EFHC2: variants seen among roughly 807,000 people sequenced by gnomAD.
The protein encoded by EFHC2 is EF-hand domain-containing family member C2.
EFHC2 carries 18 observed loss-of-function variants against 52.7 expected under a neutral mutation model. That is an observed-to-expected ratio of 0.34 (90% CI 0.24 to 0.51). EFHC2 has a LOEUF of 0.51. EFHC2 is among the 20% of genes least tolerant of loss of function. The pLI is 0.97. For synonymous variants in EFHC2, 203 were observed against 204.1 expected, an observed-to-expected ratio of 0.99 and a Z score of 0.04; for missense variants, 513 against 562.5, an observed-to-expected ratio of 0.91 and a Z score of 0.89.
At chrX:44,273,526 A>C (rs942025639) in intron 2 of EFHC2, among the ~76,000 whole-genome samples, 3 of 112,598 alleles carry the variant, frequency 2.7e-5, no homozygotes, top group South Asian at 3.7e-4. Flanking sequence ...TGTGCCTCTC[A>C]GTAAGTAAAA....
Position 44,148,805 on chromosome X carries a change from T to C in EFHC2, c.2240A>G (p.Glu747Gly), listed in dbSNP as rs777476496. 8.5e-7 allele frequency: 1 copy of C among 1,180,886 alleles called. No individual in the cohort carries two copies. Among genetic ancestry groups the C allele is most frequent in the Non-Finnish European group, 1.1e-6 (1 of 879,115 alleles). Residue 747 changes from glutamate (E) to glycine (G), a missense_variant, in exon 15 of 15, where the codon GAG (glutamate) becomes GGG (glycine). Physicochemically the swap from Glu to Gly is moderately conservative, Grantham distance 98. Coordinates refer to ENST00000420999, the MANE Select transcript of EFHC2 (RefSeq NM_025184.4). Reference sequence around the variant, plus strand: ...CCAAAACTGGCATGGTTATTCCTCCTCTAAGCCAAACGCGTCCTTCAAAAA... The same window carrying C: ...CCAAAACTGGCATGGTTATTCCTCCCCTAAGCCAAACGCGTCCTTCAAAAA... ...WTFLKDAFGL[E>G]EE
At chrX:44,186,206 T>C (rs1000698530) in intron 11 of EFHC2, among the ~76,000 whole-genome samples, 2 of 112,399 alleles carry the variant, frequency 1.8e-5, no homozygotes, top group Admixed American at 9.5e-5. Context: ...TTAAGAGTAA[T>C]TGCTGTATAC....
intron 14 of EFHC2, 26 bp from the exon 15 acceptor site, chrX:44,148,922 G>T (rs1227573950): frequency 2.3e-5 from 25 of 1,101,281 alleles, no homozygotes; most frequent in Non-Finnish European, 3.0e-5. Flanking sequence ...AAATGGATAT[G>T]ATTAGAACCA....
intron 13 of EFHC2, among the ~76,000 whole-genome samples, chrX:44,168,018 T>C (rs1472771209): frequency 9.0e-6 from 1 of 111,661 alleles, no homozygotes; most frequent in Non-Finnish European, 1.9e-5. Context: ...GACGTCAAAC[T>C]CTTTTCAAGA....
intron 1 of EFHC2, 101 bp downstream of exon 1, chrX:44,343,446 T>C: frequency 9.5e-7 from 1 of 1,055,503 alleles, no homozygotes; most frequent in East Asian, 3.3e-5. Context: ...GGCAGCAGCA[T>C]GGGGCCTCCA....
At chrX:44,162,283 T>C (rs980626343) in intron 14 of EFHC2, among the ~76,000 whole-genome samples, 7 of 111,179 alleles carry the variant, frequency 6.3e-5, no homozygotes, top group African/African-American at 2.3e-4. Flanking sequence ...ATTAGCTGGA[T>C]GTGGTGGCAC....
intron 2 of EFHC2, among the ~76,000 whole-genome samples, chrX:44,306,971 C>T (rs1366024039): frequency 5.4e-5 from 6 of 111,950 alleles, no homozygotes; most frequent in South Asian, 3.7e-4. Flanking sequence ...AAAGAATTAT[C>T]CCCCCTTCAG....
At chrX:44,225,512 C>T (rs1277913433) in intron 11 of EFHC2, among the ~76,000 whole-genome samples, 12 of 111,487 alleles carry the variant, frequency 1.1e-4, no homozygotes, top group African/African-American at 3.9e-4. Flanking sequence ...GGCCCCGAAG[C>T]CCCAGGTGTA....
Position 44,150,270 on chromosome X carries a change from T to G in EFHC2, c.2149-1374A>C, listed in dbSNP as rs753224120. Among the ~76,000 whole-genome samples the G allele has an allele frequency of 2.7e-5, 3 of 111,816 alleles. No individual in the cohort carries two copies. The South Asian group carries it at 1.1e-3, about 42-fold the overall frequency. On this transcript the variant is annotated intron_variant, in intron 14 of 14. Transcript: ENST00000420999. ...GCAAGCTGAATAAGTGGTGATTCAG[T>G]TGCACCTTATGGGATGAAAAACAGT...
At chrX:44,291,545 C>G (rs953888048) in intron 2 of EFHC2, among the ~76,000 whole-genome samples, 4 of 112,102 alleles carry the variant, frequency 3.6e-5, no homozygotes, top group Non-Finnish European at 1.9e-5. Flanking sequence ...TTTTACTTGT[C>G]TGCATAAGAC....
chrX:44,252,334 A>G (rs768750326), intron 4 of EFHC2, among the ~76,000 whole-genome samples: 2 of 112,061 alleles, frequency 1.8e-5, no homozygotes, highest in African/African-American at 6.5e-5. Context: ...GTTATCCCAA[A>G]TCAGGTTATA....
Position 44,232,449 on chromosome X carries a change from G to A in EFHC2, c.1620+32C>T, listed in dbSNP as rs748361696. ...AAACACAGACTGCGGAGGGCTGAGA[G>A]GCAAGTCAAGAATTATACAAAGTAA... On this transcript the variant is annotated intron_variant, in intron 10 of 14. Coordinates refer to ENST00000420999, the MANE Select transcript of EFHC2 (RefSeq NM_025184.4). 5.7e-4 allele frequency: 578 copies of A among 1,016,239 alleles called. 1 individual carries two copies. Among genetic ancestry groups the A allele is most frequent in the Non-Finnish European group, 7.1e-4 (560 of 786,975 alleles). The allele number at this position is 1,016,239 out of a possible 1,213,427, so 83.7% of individuals were successfully genotyped here.
At chrX:44,242,588 TCTC>T (rs1045994947) in intron 7 of EFHC2, among the ~76,000 whole-genome samples, 1 of 111,398 alleles carries the variant, frequency 9.0e-6, no homozygotes, top group African/African-American at 3.3e-5. Context: ...TATTTTTTGT[TCTC>T]CTCTGATTTT....
At chrX:44,187,705 G>C (rs995987241) in intron 11 of EFHC2, among the ~76,000 whole-genome samples, 12 of 110,957 alleles carry the variant, frequency 1.1e-4, no homozygotes, top group Non-Finnish European at 2.1e-4. Context: ...CAGGAGAATC[G>C]CTTGAGTCCA....
At chrX:44,297,726 C>CT (rs1470470563) in intron 2 of EFHC2, among the ~76,000 whole-genome samples, 1 of 79,237 alleles carries the variant, frequency 1.3e-5, no homozygotes, top group Non-Finnish European at 2.3e-5. Context: ...GAGACTCCAT[C>CT]TCAAAAAAAA....
At chrX:44,191,856 T>C (rs1443850918) in intron 11 of EFHC2, among the ~76,000 whole-genome samples, 1 of 111,916 alleles carries the variant, frequency 8.9e-6, no homozygotes, top group Non-Finnish European at 1.9e-5. Flanking sequence ...AACCTATATA[T>C]ACCTAATTAT....
intron 2 of EFHC2, among the ~76,000 whole-genome samples, chrX:44,274,941 C>T (rs1355154605): frequency 9.0e-6 from 1 of 111,081 alleles, no homozygotes; most frequent in Non-Finnish European, 1.9e-5. Context: ...GATGTTGGAA[C>T]ACCTAAAAGG....
chrX:44,199,267 A>C (rs1216883163), intron 11 of EFHC2, among the ~76,000 whole-genome samples: 1 of 112,934 alleles, frequency 8.9e-6, no homozygotes, highest in African/African-American at 3.2e-5. Context: ...CCCTCTTACC[A>C]TGTAATATGC....
At chrX:44,217,850 A>G (rs2147310320) in intron 11 of EFHC2, among the ~76,000 whole-genome samples, 1 of 112,386 alleles carries the variant, frequency 8.9e-6, no homozygotes, top group Non-Finnish European at 1.9e-5. Context: ...GAGTGTCATT[A>G]GACTGTTTGT....
Sources: allele counts gnomAD v4.1 joint callset (sites outside exome capture counted in the v4.1 genomes callset), GRCh38; gene constraint gnomAD v4.1.1; transcripts MANE v1.5; gene names NCBI Gene and HGNC (gene_info 2026-07-23, HGNC 2026-07-21).